The following CNOT2 variants were observed in gnomAD, a reference collection of about 807,000 sequenced individuals.
The protein encoded by CNOT2 is CCR4-NOT transcription complex subunit 2.
In CNOT2, 7 loss-of-function variants were observed where a neutral mutation model predicts 72.1. The observed-to-expected ratio is 0.10, with a 90% CI of 0.06 to 0.18. The LOEUF (loss-of-function observed/expected upper bound fraction) is 0.18. CNOT2 is among the 10% of genes least tolerant of loss of function. The pLI is 1.00. For missense variants in CNOT2, 345 were observed against 660.3 expected (o/e 0.52, Z 5.23); for synonymous variants, 196 against 225.6 (o/e 0.87, Z 1.17).
At position 70,353,802 on chromosome 12, in the gene CNOT2, T is replaced by C. The variant is rs746362888; in HGVS notation, c.1537-27T>C. 5.6e-6 allele frequency: 9 copies of C among 1,595,278 alleles called. No homozygotes were observed. In the East Asian group the frequency reaches 6.7e-5, roughly 12 times the overall value. ...AATGTAAAATGAAAAGGGGAAGATATCTAAATTCTTGAATTTGTTTTTATA... is the reference window on the plus strand; with the variant it reads ...AATGTAAAATGAAAAGGGGAAGATACCTAAATTCTTGAATTTGTTTTTATA... On this transcript the variant is annotated intron_variant, in intron 15 of 15. Transcript: ENST00000229195.
intron 3 of CNOT2, 71 bp downstream of exon 3, chr12:70,311,088 A>T: frequency 8.3e-6 from 9 of 1,083,652 alleles, no homozygotes; most frequent in Non-Finnish European, 1.2e-5. Flanking sequence ...AAAACAGCAT[A>T]TCAAGTGCAG....
chr12:70,274,965 T>C (rs1448285343), intron 1 of CNOT2, among the ~76,000 whole-genome samples: 1 of 152,128 alleles, frequency 6.6e-6, no homozygotes, highest in African/African-American at 2.4e-5. Context: ...TACATCTTCA[T>C]ACATGTACTG....
chr12:70,349,950 G>A (rs1216895178), intron 15 of CNOT2, among the ~76,000 whole-genome samples: 1 of 152,108 alleles, frequency 6.6e-6, no homozygotes, highest in Non-Finnish European at 1.5e-5. Flanking sequence ...CAAGGTTGCA[G>A]TGAGCTGTGA....
At chr12:70,314,087 T>C (rs1233279235) in intron 3 of CNOT2, among the ~76,000 whole-genome samples, 1 of 152,196 alleles carries the variant, frequency 6.6e-6, no homozygotes, top group Admixed American at 6.5e-5. Context: ...GAAGGATATT[T>C]CTCCCTTTAA....
At chr12:70,269,439 A>G (rs923912620) in intron 1 of CNOT2, among the ~76,000 whole-genome samples, 3 of 152,126 alleles carry the variant, frequency 2.0e-5, no homozygotes, top group African/African-American at 7.2e-5. Context: ...CCCCTTCTCA[A>G]TAATAGTTTA....
At chr12:70,305,545 A>C (rs1332931805) in intron 2 of CNOT2, among the ~76,000 whole-genome samples, 1 of 152,250 alleles carries the variant, frequency 6.6e-6, no homozygotes, top group African/African-American at 2.4e-5. Flanking sequence ...TGGTTTGATC[A>C]GCTTGAATTT....
At chr12:70,303,139 C>T (rs1426422639) in intron 2 of CNOT2, among the ~76,000 whole-genome samples, 1 of 152,222 alleles carries the variant, frequency 6.6e-6, no homozygotes, top group Non-Finnish European at 1.5e-5. Flanking sequence ...TTCCTGAATA[C>T]AGCACACTGA....
intron 1 of CNOT2, among the ~76,000 whole-genome samples, chr12:70,259,252 A>G (rs1166137800): frequency 2.0e-5 from 3 of 152,018 alleles, no homozygotes; most frequent in Non-Finnish European, 4.4e-5. Context: ...TCACTTTTAC[A>G]GTGAAATTCA....
intron 6 of CNOT2, among the ~76,000 whole-genome samples, chr12:70,332,172 A>G (rs558520548): frequency 5.5e-4 from 84 of 151,920 alleles, no homozygotes; most frequent in Non-Finnish European, 9.0e-4. Flanking sequence ...AAAACGCACC[A>G]TTCAATTCAG....
intron 2 of CNOT2, among the ~76,000 whole-genome samples, chr12:70,284,068 A>G (rs1870419705): frequency 6.7e-6 from 1 of 149,070 alleles, no homozygotes. Flanking sequence ...CAGCCTCCTG[A>G]GTAGCTGGGA....
chr12:70,329,477 G>A lies in CNOT2; in HGVS notation c.293G>A (p.Arg98His), dbSNP rs149160972. 6.2e-7 allele frequency: 1 copy of A among 1,611,510 alleles called. No homozygotes were observed. The highest frequency in any genetic ancestry group is 1.3e-5 in the African/African-American group (1 of 74,746). The change falls in exon 5 of 16, where the codon CGC (arginine) becomes CAC (histidine). Residue 98 changes from arginine (R) to histidine (H), a missense_variant. This residue lies in a region of CNOT2 where 157 missense variants were observed against 235.3 expected (regional missense o/e 0.67). Transcript: ENST00000229195. Reference protein sequence around the residue: ...GMSNNTPQLNRSLSQGTQLPS... With the variant: ...GMSNNTPQLNHSLSQGTQLPS... Reference sequence around the variant, plus strand: ...AGCAACAATACCCCTCAGTTAAATCGCAGCTTATCACAAGGCACTCAGTTA... The same window carrying A: ...AGCAACAATACCCCTCAGTTAAATCACAGCTTATCACAAGGCACTCAGTTA...
Position 70,286,695 on chromosome 12 carries a change from TC to T in CNOT2, c.48+8422del, listed in dbSNP as rs1485959895. Reference sequence around the variant, plus strand: ...CTGTCAACCTTTTTCTTCATAAGAGTCTTGACTTGGCCTTTTGCTCTGTGAC... The same window carrying T: ...CTGTCAACCTTTTTCTTCATAAGAGTTTGACTTGGCCTTTTGCTCTGTGAC... On this transcript the variant is annotated intron_variant, in intron 2 of 15. Transcript: ENST00000229195. Among the ~76,000 whole-genome samples, 3 of 150,056 alleles carry T rather than the reference TC, an allele frequency of 2.0e-5. No individual in the cohort carries two copies. In the East Asian group the frequency reaches 6.1e-4, roughly 30 times the overall value.
intron 1 of CNOT2, among the ~76,000 whole-genome samples, chr12:70,253,295 A>G (rs1430197512): frequency 6.6e-6 from 1 of 152,170 alleles, no homozygotes; most frequent in Non-Finnish European, 1.5e-5. Flanking sequence ...CTTCCTTAAA[A>G]TTAATAAAAT....
intron 2 of CNOT2, among the ~76,000 whole-genome samples, chr12:70,308,584 T>TCTCTCTCTCTCTCTCTCTCTCTCTCACA (rs550679130): frequency 3.8e-5 from 5 of 133,238 alleles, no homozygotes; most frequent in African/African-American, 1.4e-4. Context: ...TCTCTCTCTC[T>TCTCTCTCTCTCTCTCTCTCTCTCTCACA]CACACACACA....
At chr12:70,271,824 G>T (rs1164576180) in intron 1 of CNOT2, among the ~76,000 whole-genome samples, 1 of 152,126 alleles carries the variant, frequency 6.6e-6, no homozygotes, top group African/African-American at 2.4e-5. Context: ...ATTTCAGAAA[G>T]ATTCTGCTAT....
Position 70,311,407 on chromosome 12 carries a change from A to G in CNOT2, c.171+390A>G, listed in dbSNP as rs1317134638. On this transcript the variant is annotated intron_variant, in intron 3 of 15. Transcript: ENST00000229195. ...ACGCAGACTTGAAGATATAATGGCA[A>G]GCTGTAATAAAACTTTATGCTTATT... Among the ~76,000 whole-genome samples the G allele has an allele frequency of 2.6e-5, 4 of 152,038 alleles. No homozygotes were observed. In the East Asian group the frequency reaches 5.8e-4, roughly 22 times the overall value.
At chr12:70,348,216 T>C (rs985411909) in intron 15 of CNOT2, among the ~76,000 whole-genome samples, 42 of 152,348 alleles carry the variant, frequency 2.8e-4, no homozygotes, top group Admixed American at 2.4e-3. Flanking sequence ...AGCTACTGTT[T>C]TTGCAAGGAT....
chr12:70,258,105 T>G (rs1366022138), intron 1 of CNOT2, among the ~76,000 whole-genome samples: 1 of 152,218 alleles, frequency 6.6e-6, no homozygotes, highest in East Asian at 1.9e-4. Flanking sequence ...CGTTTTCTGT[T>G]TATGTTTTTC....
intron 2 of CNOT2, among the ~76,000 whole-genome samples, chr12:70,288,516 A>G (rs777752697): frequency 2.6e-5 from 4 of 152,164 alleles, no homozygotes; most frequent in Admixed American, 2.6e-4. Flanking sequence ...CTTTAGGGAT[A>G]TAAGCTTGTG....
Sources: gnomAD v4.1 joint callset for allele counts (sites outside exome capture counted in the v4.1 genomes callset) on GRCh38, gnomAD v4.1.1 for gene constraint, gnomAD v4.1.1 regional missense constraint, MANE v1.5 for transcripts, NCBI Gene and HGNC (gene_info 2026-07-23, HGNC 2026-07-21) for gene names.